BRSK2: variants seen among roughly 807,000 people sequenced by gnomAD.
BRSK2 encodes BR serine/threonine kinase 2.
In BRSK2, 19 loss-of-function variants were observed where a neutral mutation model predicts 83.3. The ratio of observed to expected loss-of-function variants is 0.23; its 90% CI spans 0.16 to 0.33. The LOEUF (loss-of-function observed/expected upper bound fraction) is 0.33. Ranked by LOEUF, BRSK2 falls within the 10% of genes least tolerant of loss-of-function variation. BRSK2 has a pLI of 1.00. For synonymous variants in BRSK2, 519 were observed against 435.4 expected (o/e 1.19, Z -2.39); for missense variants, 798 against 1,042.3 (o/e 0.77, Z 3.23).
Position 1,461,408 on chromosome 11 carries a change from A to G in BRSK2, c.*685A>G, listed in dbSNP as rs780165629. The G allele has an allele frequency of 4.0e-6, 1 of 248,456 alleles. No individual in the cohort carries two copies. Among genetic ancestry groups the G allele is most frequent in the Non-Finnish European group, 7.7e-6 (1 of 129,138 alleles). 15.4% of individuals were successfully genotyped at this position (248,456 alleles called of 1,614,324 possible). Reference sequence around the variant, plus strand: ...AGGCTGCCTCCCGTCCTCTCGTCTCACCCGCGCCTCCCTTGCCTCATCTGG... The same window carrying G: ...AGGCTGCCTCCCGTCCTCTCGTCTCGCCCGCGCCTCCCTTGCCTCATCTGG... On this transcript the variant is annotated 3_prime_UTR_variant, in exon 20 of 20. Transcript: ENST00000528841.
chr11:1,461,021 C>A lies in BRSK2; in HGVS notation c.*298C>A. On this transcript the variant is annotated 3_prime_UTR_variant, in exon 20 of 20. Coordinates refer to ENST00000528841, the MANE Select transcript of BRSK2 (RefSeq NM_001256627.2). ...ACCTCCACGAGGCCATCCTCTGTGA[C>A]CGAAGGCAGCTGCTGCGGACCCGCC... 6.2e-7 allele frequency: 1 copy of A among 1,611,644 alleles called. No homozygotes were observed.
At chr11:1,401,368 T>G (rs1458341751) in intron 1 of BRSK2, among the ~76,000 whole-genome samples, 3 of 152,232 alleles carry the variant, frequency 2.0e-5, no homozygotes, top group Non-Finnish European at 2.9e-5. Context: ...GAAGTGTCTG[T>G]GTCTCATAGT....
chr11:1,433,550 G>T (rs1311804557), intron 1 of BRSK2, among the ~76,000 whole-genome samples: 4 of 152,270 alleles, frequency 2.6e-5, no homozygotes, highest in Non-Finnish European at 2.9e-5. Context: ...TAGCCTTGCA[G>T]CCAGGTTTGG....
intron 13 of BRSK2, 43 bp from the exon 14 acceptor site, chr11:1,450,544 C>T (rs555025299): frequency 3.3e-5 from 37 of 1,134,688 alleles, no homozygotes; most frequent in South Asian, 7.2e-5. Flanking sequence ...GGCCCCCACC[C>T]GCCGGGATTG....
intron 1 of BRSK2, among the ~76,000 whole-genome samples, chr11:1,404,974 G>A (rs925935152): frequency 2.3e-4 from 13 of 55,742 alleles, no homozygotes; most frequent in African/African-American, 8.3e-4. Flanking sequence ...GCAGGCAGGC[G>A]GGCGTGCAGG....
rs752855575 is a variant in BRSK2, at chr11:1,456,391, G to A, written c.1712G>A (p.Arg571Gln). 8.1e-6 allele frequency: 13 copies of A among 1,599,004 alleles called. No individual in the cohort carries two copies. The highest frequency in any genetic ancestry group is 1.1e-5 in the South Asian group (1 of 88,894). ...AGCGTCATCTCCCAAACGAGCTTCC[G>A]GGCCGAGTACAAGGCCACGGGGGGG... is the stretch of plus-strand genomic sequence containing the variant. ...SHSVISQTSF[R>Q]AEYKATGGPA... Residue 571 changes from arginine (R) to glutamine (Q), a missense_variant, in exon 17 of 20, where the codon CGG (arginine) becomes CAG (glutamine). Coordinates refer to ENST00000528841, the MANE Select transcript of BRSK2 (RefSeq NM_001256627.2).
At chr11:1,451,675 G>A (rs1845836911) in intron 15 of BRSK2, among the ~76,000 whole-genome samples, 1 of 152,234 alleles carries the variant, frequency 6.6e-6, no homozygotes. Flanking sequence ...TTGGCTGGAG[G>A]CGAGCAGGGG....
intron 1 of BRSK2, among the ~76,000 whole-genome samples, chr11:1,424,252 G>T (rs773018839): frequency 1.3e-5 from 2 of 152,180 alleles, no homozygotes; most frequent in South Asian, 2.1e-4. Flanking sequence ...GGGTCCTGCC[G>T]GCCAGGCGGA....
At chr11:1,397,598 T>G (rs947047995) in intron 1 of BRSK2, among the ~76,000 whole-genome samples, 1 of 152,144 alleles carries the variant, frequency 6.6e-6, no homozygotes, top group African/African-American at 2.4e-5. Context: ...TGGGCCTGGC[T>G]TCCTCCCCGA....
intron 1 of BRSK2, among the ~76,000 whole-genome samples, chr11:1,408,739 G>A (rs1255784508): frequency 6.6e-6 from 1 of 151,802 alleles, no homozygotes; most frequent in East Asian, 1.9e-4. Context: ...GCAGGGGTAT[G>A]TGTGTGCACG....
chr11:1,455,191 A>G (rs1371176744), intron 16 of BRSK2, among the ~76,000 whole-genome samples: 1 of 152,006 alleles, frequency 6.6e-6, no homozygotes. Context: ...AAAAGCCTCA[A>G]ATGGAGAAAG....
intron 18 of BRSK2, among the ~76,000 whole-genome samples, chr11:1,457,865 T>A (rs550113513): frequency 1.3e-5 from 2 of 152,190 alleles, no homozygotes; most frequent in African/African-American, 4.8e-5. Flanking sequence ...GCCCTGGCCC[T>A]AACCGAAGCC....
chr11:1,445,120 C>G, intron 9 of BRSK2, 118 bp downstream of exon 9: 15 of 1,500,610 alleles, frequency 1.0e-5, no homozygotes, highest in South Asian at 5.7e-5. Flanking sequence ...CTGCCTTGGC[C>G]CTCCGTGGCC....
Position 1,445,063 on chromosome 11 carries a change from T to C in BRSK2, c.812+61T>C, listed in dbSNP as rs1851834838. On this transcript the variant is annotated intron_variant, in intron 9 of 19. Transcript: ENST00000528841. ...GCCTGTTGCTGTGGCCTGGAGGCCC[T>C]GCTAGGAAAGGCGGGGGGAGGGCGC... 9 of 1,584,292 alleles carry C rather than the reference T, an allele frequency of 5.7e-6. No homozygotes were observed. In the East Asian group the frequency reaches 2.0e-4, roughly 35 times the overall value.
At chr11:1,448,857 G>T (rs568346752) in intron 12 of BRSK2, among the ~76,000 whole-genome samples, 1 of 152,244 alleles carries the variant, frequency 6.6e-6, no homozygotes, top group Non-Finnish European at 1.5e-5. Context: ...TGTGGCCAGC[G>T]TGGCACTCTC....
intron 1 of BRSK2, among the ~76,000 whole-genome samples, chr11:1,404,472 C>T (rs1846697647): frequency 6.6e-6 from 1 of 152,222 alleles, no homozygotes; most frequent in Non-Finnish European, 1.5e-5. Flanking sequence ...CTTGCTCTGT[C>T]TTCCCCTCCG....
intron 14 of BRSK2, among the ~76,000 whole-genome samples, chr11:1,451,041 G>A (rs1845757961): frequency 6.6e-6 from 1 of 152,248 alleles, no homozygotes; most frequent in South Asian, 2.1e-4. Context: ...CCTGGGGCCA[G>A]GCACACAGCA....
chr11:1,405,645 C>T (rs1846818491), intron 1 of BRSK2, among the ~76,000 whole-genome samples: 1 of 152,154 alleles, frequency 6.6e-6, no homozygotes, highest in Admixed American at 6.5e-5. Context: ...TGGCCGTTGA[C>T]CTTTGCTCCC....
chr11:1,391,430 G>A (rs906047763), intron 1 of BRSK2, among the ~76,000 whole-genome samples: 7 of 152,252 alleles, frequency 4.6e-5, no homozygotes, highest in African/African-American at 1.7e-4. Context: ...GAGGAGCTGG[G>A]AGGTGGCGTT....
Sources: allele counts gnomAD v4.1 joint callset (sites outside exome capture counted in the v4.1 genomes callset), GRCh38; gene constraint gnomAD v4.1.1; transcripts MANE v1.5; gene names NCBI Gene and HGNC (gene_info 2026-07-23, HGNC 2026-07-21).